Variants in TENM4 observed in about 807,000 individuals in gnomAD.
TENM4 encodes teneurin transmembrane protein 4.
A neutral mutation model predicts 243.3 loss-of-function variants in TENM4; 82 were observed. That is an observed-to-expected ratio of 0.34 (90% confidence interval 0.28 to 0.40). The LOEUF is 0.40. Among genes scored for constraint, TENM4 ranks in the 10% least tolerant of loss-of-function variants. The pLI is 1.00. For missense variants in TENM4, 3,138 were observed against 3,673.3 expected (o/e 0.85, Z 3.77); for synonymous variants, 1,412 against 1,456.3 (o/e 0.97, Z 0.69).
In TENM4 at chr11:78,883,840, T is replaced by C. The variant is rs114786716; in HGVS notation, c.1084+5945A>G. 2.6e-3 allele frequency among the ~76,000 whole-genome samples: 403 copies of C among 152,334 alleles called. 3 individuals carry two copies. Among genetic ancestry groups the C allele is most frequent in the African/African-American group, 8.9e-3 (369 of 41,576 alleles). On this transcript the variant is annotated intron_variant, in intron 9 of 33. Transcript: ENST00000278550. ...ACGATTCTTCTTGTGGCTGCATTGC[T>C]GGAACAGTGAGACATCCCTACAAAT...
intron 3 of TENM4, among the ~76,000 whole-genome samples, chr11:79,198,688 G>A (rs944584252): frequency 6.6e-6 from 1 of 152,160 alleles, no homozygotes; most frequent in Non-Finnish European, 1.5e-5. Context: ...CTGCTTCCAT[G>A]CACTTAATTG....
At chr11:79,170,711 T>C (rs533830169) in intron 3 of TENM4, among the ~76,000 whole-genome samples, 1 of 152,298 alleles carries the variant, frequency 6.6e-6, no homozygotes, top group African/African-American at 2.4e-5. Flanking sequence ...CTCACAGCTC[T>C]TGAAAGGAAG....
intron 14 of TENM4, among the ~76,000 whole-genome samples, chr11:78,809,246 G>C (rs977030424): frequency 6.6e-6 from 1 of 152,196 alleles, no homozygotes; most frequent in African/African-American, 2.4e-5. Context: ...ACAAAGATCA[G>C]AAGGAACTGA....
At position 79,337,899 on chromosome 11, in the gene TENM4, A is replaced by G. The variant is rs116877646; in HGVS notation, c.-320-40356T>C. Among the ~76,000 whole-genome samples the G allele has an allele frequency of 8.5e-4, 130 of 152,310 alleles. 7 individuals carry two copies. The South Asian group carries it at 0.014, about 16-fold the overall frequency. ...ACAAGGAACCTGCAGCTGGGGTGGT[A>G]CCTAGACTTGCTGGCATCTCACAGC... On this transcript the variant is annotated intron_variant, in intron 1 of 33. Coordinates refer to ENST00000278550, the MANE Select transcript of TENM4 (RefSeq NM_001098816.3).
At chr11:78,851,965 C>T (rs1023998460) in intron 12 of TENM4, among the ~76,000 whole-genome samples, 1 of 152,216 alleles carries the variant, frequency 6.6e-6, no homozygotes, top group Non-Finnish European at 1.5e-5. Context: ...TGCCACAGTT[C>T]ACAAGAAGGT....
intron 2 of TENM4, among the ~76,000 whole-genome samples, chr11:79,228,991 C>T (rs1180564366): frequency 3.9e-5 from 6 of 152,202 alleles, no homozygotes; most frequent in Non-Finnish European, 8.8e-5. Flanking sequence ...TCCTCAGGCT[C>T]CTCTTGGCTA....
intron 3 of TENM4, among the ~76,000 whole-genome samples, chr11:79,170,167 A>C (rs1246600059): frequency 1.3e-5 from 2 of 151,826 alleles, no homozygotes; most frequent in Non-Finnish European, 2.9e-5. Flanking sequence ...CTAATGGGGA[A>C]CACCAGAGGC....
chr11:79,130,650 C>A (rs999875342), intron 4 of TENM4, among the ~76,000 whole-genome samples: 1 of 152,010 alleles, frequency 6.6e-6, no homozygotes, highest in Admixed American at 6.6e-5. Context: ...GGTGAAACAC[C>A]ATCTCTACTA....
chr11:79,039,869 C>T (rs1369461), intron 6 of TENM4, among the ~76,000 whole-genome samples: 142,771 of 152,246 alleles, frequency 0.94, 67,640 homozygotes, highest in Non-Finnish European at 0.98. Flanking sequence ...GAGATGGAAA[C>T]GTATCTAAAG....
chr11:79,434,539 T>C (rs1859232237), intron 1 of TENM4, among the ~76,000 whole-genome samples: 1 of 152,148 alleles, frequency 6.6e-6, no homozygotes, highest in Non-Finnish European at 1.5e-5. Context: ...CATTGCTGGC[T>C]GAAGCACTCC....
rs927855937 is a variant in TENM4, at chr11:79,085,717, T to C, written c.-65-15708A>G. Among the ~76,000 whole-genome samples, 3 of 148,604 alleles carry C rather than the reference T, an allele frequency of 2.0e-5. No homozygotes were observed. The East Asian group carries it at 6.2e-4, about 31-fold the overall frequency. ...CACGTTGTCTCCATCCTGGCCATTC[T>C]TCTCTGAAAAAGTTTCTTTTGGCTA... is the stretch of plus-strand genomic sequence containing the variant. On this transcript the variant is annotated intron_variant, in intron 4 of 33. Transcript: ENST00000278550.
chr11:78,766,706 A>ATT (rs10678115), intron 18 of TENM4, among the ~76,000 whole-genome samples: 5,841 of 144,170 alleles, frequency 0.041, 356 homozygotes, highest in African/African-American at 0.13. Flanking sequence ...GGCTCCCCCA[A>ATT]TTTTTTTTTT....
chr11:79,188,249 A>T (rs1053904203), intron 3 of TENM4, among the ~76,000 whole-genome samples: 3 of 152,248 alleles, frequency 2.0e-5, no homozygotes, highest in Admixed American at 6.5e-5. Context: ...GAAACCGAAG[A>T]CTAGGAATTG....
At chr11:79,334,690 C>T (rs1220398704) in intron 1 of TENM4, among the ~76,000 whole-genome samples, 1 of 152,194 alleles carries the variant, frequency 6.6e-6, no homozygotes, top group East Asian at 1.9e-4. Flanking sequence ...GTCTAAGTGT[C>T]CTGAGACATC....
intron 3 of TENM4, among the ~76,000 whole-genome samples, chr11:79,151,509 G>C (rs923758784): frequency 6.6e-5 from 10 of 152,184 alleles, no homozygotes; most frequent in African/African-American, 2.2e-4. Flanking sequence ...AAGTTGTGGT[G>C]TTTGGGGAAG....
chr11:79,312,660 T>C (rs750385826), intron 1 of TENM4, among the ~76,000 whole-genome samples: 1 of 152,178 alleles, frequency 6.6e-6, no homozygotes, highest in Non-Finnish European at 1.5e-5. Flanking sequence ...TTCACCTTTA[T>C]AGCCTCAGTG....
intron 27 of TENM4, among the ~76,000 whole-genome samples, 183 bp downstream of exon 27, chr11:78,708,178 A>G (rs597399): frequency 0.061 from 9,335 of 152,246 alleles, 698 homozygotes; most frequent in African/African-American, 0.18. Context: ...CTGATGGTGA[A>G]CTCCCAGGAC....
chr11:79,363,355 T>C (rs898603355), intron 1 of TENM4, among the ~76,000 whole-genome samples: 32 of 152,210 alleles, frequency 2.1e-4, no homozygotes, highest in African/African-American at 7.0e-4. Flanking sequence ...TGGGAGGTTT[T>C]CTCCCAACCG....
intron 3 of TENM4, among the ~76,000 whole-genome samples, chr11:79,196,430 A>G (rs1175987964): frequency 1.3e-5 from 2 of 152,084 alleles, no homozygotes; most frequent in Non-Finnish European, 2.9e-5. Context: ...ATGGAAGTCC[A>G]CAGCCTCAGC....
Sources: allele counts gnomAD v4.1 joint callset (sites outside exome capture counted in the v4.1 genomes callset), GRCh38; gene constraint gnomAD v4.1.1; transcripts MANE v1.5; gene names NCBI Gene and HGNC (gene_info 2026-07-23, HGNC 2026-07-21).